Variants in TAS1R2 observed in about 807,000 individuals in gnomAD.
TAS1R2 encodes the protein taste 1 receptor member 2.
In TAS1R2, 47 loss-of-function variants were observed where a neutral mutation model predicts 49.3. That is an observed-to-expected ratio of 0.95 (90% CI 0.75 to 1.22). TAS1R2 has a LOEUF of 1.22. Ranked by LOEUF, TAS1R2 falls within the 50% of genes most tolerant of loss-of-function variation. TAS1R2 has a pLI of 0.00. For missense variants in TAS1R2, 1,155 were observed against 1,122.1 expected (o/e 1.03, Z -0.42); for synonymous variants, 479 against 467.9 (o/e 1.02, Z -0.31).
exon 6 of TAS1R2, chr1:18,839,737 C>T: frequency 1.9e-6 from 3 of 1,614,174 alleles, no homozygotes; most frequent in Non-Finnish European, 2.5e-6. Flanking sequence ...GCACAGTGAC[C>T]AAGAGGTCCA....
chr1:18,854,792 G>A lies in TAS1R2; in HGVS notation c.678C>T (p.Arg226=), dbSNP rs368235242. The A allele has an allele frequency of 2.7e-5, 43 of 1,605,300 alleles. No homozygotes were observed. Among genetic ancestry groups the A allele is most frequent in the Admixed American group, 3.4e-5 (2 of 59,514 alleles). ...CGATGCAGATGTCGCGCCGGGCCAC[G>A]CGCTCGCCAAGCAGCTGGCCATTGT... The change falls in exon 3 of 6, where the codon CGC becomes CGT. Residue 226 remains arginine (R), a synonymous_variant. Coordinates refer to ENST00000375371, the Ensembl canonical transcript of TAS1R2. This position sits in a 1 kb window ranked among gnomAD's most constrained non-coding sequence, Gnocchi z 4.9.
At chr1:18,841,165 T>A (rs1933816814) in intron 5 of TAS1R2, among the ~76,000 whole-genome samples, 1 of 152,256 alleles carries the variant, frequency 6.6e-6, no homozygotes, top group East Asian at 1.9e-4. Context: ...TGAACTGTGC[T>A]AAACACTAAT....
At chr1:18,855,870 A>G (rs1934130205) in intron 2 of TAS1R2, among the ~76,000 whole-genome samples, 1 of 152,142 alleles carries the variant, frequency 6.6e-6, no homozygotes, top group African/African-American at 2.4e-5. Flanking sequence ...CACTGGATCC[A>G]TCAGCAAATC....
At chr1:18,858,472 A>T (rs1934181840) in intron 1 of TAS1R2, 1 of 151,988 alleles carries the variant, frequency 6.6e-6, no homozygotes, top group South Asian at 2.1e-4. Context: ...ACTATCGTTA[A>T]AACCATCACC....
intron 4 of TAS1R2, among the ~76,000 whole-genome samples, chr1:18,844,246 T>C (rs1328917460): frequency 1.3e-5 from 2 of 152,182 alleles, no homozygotes; most frequent in African/African-American, 4.8e-5. Flanking sequence ...TCCTGAAGGA[T>C]GGATATTCTT....
chr1:18,855,410 A>G (rs1044264986), intron 2 of TAS1R2, among the ~76,000 whole-genome samples: 1 of 152,078 alleles, frequency 6.6e-6, no homozygotes, highest in Non-Finnish European at 1.5e-5. Flanking sequence ...AGGCTCATCA[A>G]CTAGCCACAT....
chr1:18,845,496 T>C (rs1235633213), intron 4 of TAS1R2, among the ~76,000 whole-genome samples: 1 of 152,150 alleles, frequency 6.6e-6, no homozygotes, highest in Non-Finnish European at 1.5e-5. Flanking sequence ...CTCTCTACAA[T>C]CTTACACTCT....
intron 4 of TAS1R2, among the ~76,000 whole-genome samples, chr1:18,848,100 G>A (rs1317744717): frequency 6.6e-6 from 1 of 152,104 alleles, no homozygotes; most frequent in Non-Finnish European, 1.5e-5. Flanking sequence ...ATGAGATTTG[G>A]GTGGGGACAC....
At chr1:18,842,034 C>T (rs1221544523) in intron 4 of TAS1R2, among the ~76,000 whole-genome samples, 182 bp from the exon 5 acceptor site, 2 of 151,932 alleles carry the variant, frequency 1.3e-5, no homozygotes, top group African/African-American at 4.8e-5. Context: ...AGGAAAGCAG[C>T]CATTCTGAAA....
intron 1 of TAS1R2, among the ~76,000 whole-genome samples, chr1:18,858,078 A>T (rs1241615573): frequency 2.6e-5 from 4 of 151,708 alleles, no homozygotes; most frequent in African/African-American, 9.7e-5. Context: ...TATCAGCACG[A>T]CCATTATCAC....
chr1:18,850,208 T>G lies in TAS1R2; in HGVS notation c.1258-658A>C, dbSNP rs1302767968. ...GGGCATCCTCCGACCTAAAGTCCAG[T>G]CCCAGTTCTGTTCGCAATTTGCTGT... On this transcript the variant is annotated intron_variant, in intron 3 of 5. Transcript: ENST00000375371. 2.0e-5 allele frequency among the ~76,000 whole-genome samples: 3 copies of G among 152,332 alleles called. No individual in the cohort carries two copies. In the South Asian group the frequency reaches 6.2e-4, roughly 32 times the overall value.
At chr1:18,853,213 G>A (rs1934064406) in intron 3 of TAS1R2, among the ~76,000 whole-genome samples, 1 of 152,180 alleles carries the variant, frequency 6.6e-6, no homozygotes, top group Admixed American at 6.5e-5. Context: ...TCACAGGAGG[G>A]TCATGAGTTA....
At position 18,849,172 on chromosome 1, in the gene TAS1R2, CAATGGGGGAAGG is replaced by C. The variant is rs1029821423; in HGVS notation, c.1467+157_1467+168del. Reference sequence around the variant, plus strand: ...GCCCTGAACAGGCATAGTTCCCAATCAATGGGGGAAGGAAAGGACCCCAGACGATACACCCAC... The same window carrying C: ...GCCCTGAACAGGCATAGTTCCCAATCAAAGGACCCCAGACGATACACCCAC... On this transcript the variant is annotated intron_variant, in intron 4 of 5. Transcript: ENST00000375371. The C allele has an allele frequency of 5.5e-6, 4 of 730,156 alleles. No individual in the cohort carries two copies. In the African/African-American group the frequency reaches 7.1e-5, roughly 13 times the overall value. 45.2% of individuals were successfully genotyped at this position (730,156 alleles called of 1,614,324 possible).
chr1:18,849,931 A>G (rs1933991366), intron 3 of TAS1R2, among the ~76,000 whole-genome samples: 1 of 152,194 alleles, frequency 6.6e-6, no homozygotes, highest in Admixed American at 6.5e-5. Context: ...CACTCCTACC[A>G]AGGTGCTGAT....
chr1:18,843,945 A>G (rs757904254), intron 4 of TAS1R2, among the ~76,000 whole-genome samples: 1 of 152,216 alleles, frequency 6.6e-6, no homozygotes, highest in Admixed American at 6.5e-5. Context: ...TGACTCCTGT[A>G]TCTATTTCTG....
At chr1:18,840,314 G>C in exon 6 of TAS1R2, 1 of 1,614,040 alleles carries the variant, frequency 6.2e-7, no homozygotes, top group South Asian at 1.1e-5. Context: ...GAAGCACATG[G>C]GGCCCCCAGC....
At chr1:18,857,754 C>A in intron 1 of TAS1R2, 123 bp from the exon 2 acceptor site, 1 of 1,098,160 alleles carries the variant, frequency 9.1e-7, no homozygotes, top group Non-Finnish European at 1.3e-6. Context: ...AGAAGAGCCA[C>A]TCCAGAAGAC....
exon 5 of TAS1R2, chr1:18,841,848 G>A (rs1933832859): frequency 6.3e-7 from 1 of 1,597,856 alleles, no homozygotes; most frequent in Non-Finnish European, 8.6e-7. Context: ...CATGGACATA[G>A]GGATCTGGAG....
intron 3 of TAS1R2, among the ~76,000 whole-genome samples, chr1:18,850,223 C>A (rs1247808975): frequency 6.6e-6 from 1 of 152,244 alleles, no homozygotes; most frequent in Non-Finnish European, 1.5e-5. Context: ...GTTCTGTTCG[C>A]AATTTGCTGT....
Sources: allele counts gnomAD v4.1 joint callset (sites outside exome capture counted in the v4.1 genomes callset), GRCh38; gene constraint gnomAD v4.1.1; non-coding constraint Gnocchi (gnomAD v3.1); transcripts MANE v1.5; gene names NCBI Gene and HGNC (gene_info 2026-07-23, HGNC 2026-07-21).